The following TENM2 variants were observed in gnomAD, a reference collection of about 807,000 sequenced individuals.
TENM2 encodes the protein teneurin transmembrane protein 2, also known as teneurin-2.
A neutral mutation model predicts 245.2 loss-of-function variants in TENM2; 52 were observed. That is an observed-to-expected ratio of 0.21 (90% confidence interval 0.17 to 0.27). The LOEUF (loss-of-function observed/expected upper bound fraction) is 0.27, where lower values mean the gene tolerates loss of function less well. Among genes scored for constraint, TENM2 ranks in the 10% least tolerant of loss-of-function variants. The probability of loss-of-function intolerance (pLI) is 1.00; values close to 1 mark genes in which losing one functional copy is unlikely to be tolerated. For missense variants in TENM2, 3,046 were observed against 3,666.8 expected, an observed-to-expected ratio of 0.83 and a Z score of 4.37; for synonymous variants, 1,363 against 1,438.9, an observed-to-expected ratio of 0.95 and a Z score of 1.19.
intron 1 of TENM2, among the ~76,000 whole-genome samples, chr5:167,291,780 C>G (rs1754653013): frequency 6.6e-6 from 1 of 152,206 alleles, no homozygotes; most frequent in South Asian, 2.1e-4. Context: ...ACTGTAAACA[C>G]TAACTGGCCT....
At chr5:167,021,454 GAAC>G in the TENM2 span, among the ~76,000 whole-genome samples, 4 of 152,192 alleles carry the variant, frequency 2.6e-5, no homozygotes, top group Admixed American at 2.0e-4. Context: ...AAAATTCACA[GAAC>G]AACTCATAAA....
chr5:167,830,061 T>A (rs1254503069), intron 2 of TENM2, among the ~76,000 whole-genome samples: 1 of 152,220 alleles, frequency 6.6e-6, no homozygotes, highest in Admixed American at 6.5e-5. Flanking sequence ...TGACTTCACA[T>A]CCTTAATCCA....
chr5:167,463,021 A>C (rs1766418849), intron 2 of TENM2, among the ~76,000 whole-genome samples: 1 of 152,090 alleles, frequency 6.6e-6, no homozygotes, highest in South Asian at 2.1e-4. Flanking sequence ...TCAAGAGGAT[A>C]TTGGATGCTT....
At chr5:167,607,615 A>G (rs1777148309) in intron 2 of TENM2, among the ~76,000 whole-genome samples, 2 of 152,240 alleles carry the variant, frequency 1.3e-5, no homozygotes, top group Admixed American at 1.3e-4. Flanking sequence ...CAAACAAAAT[A>G]CATTGCCGTG....
At chr5:168,142,237 C>T (rs1356757263) in intron 12 of TENM2, among the ~76,000 whole-genome samples, 1 of 152,190 alleles carries the variant, frequency 6.6e-6, no homozygotes, top group Admixed American at 6.5e-5. Context: ...CTACTTTCGG[C>T]CCTGCTCAGG....
At chr5:167,319,662 C>T (rs1284650715) in intron 1 of TENM2, among the ~76,000 whole-genome samples, 1 of 152,164 alleles carries the variant, frequency 6.6e-6, no homozygotes, top group African/African-American at 2.4e-5. Context: ...GAAGAAGCTG[C>T]ATCAGGGTGC....
the TENM2 span, among the ~76,000 whole-genome samples, chr5:167,011,041 C>A: frequency 6.6e-6 from 1 of 152,092 alleles, no homozygotes; most frequent in Non-Finnish European, 1.5e-5. Context: ...TAATAATATA[C>A]CTTGGCTAAC....
At chr5:167,827,531 T>C (rs2151073302) in intron 2 of TENM2, among the ~76,000 whole-genome samples, 1 of 146,384 alleles carries the variant, frequency 6.8e-6, no homozygotes, top group Admixed American at 7.4e-5. Context: ...GCTTAAAATA[T>C]GTTAATAAAT....
the TENM2 span, among the ~76,000 whole-genome samples, chr5:167,266,784 G>A: frequency 3.9e-5 from 6 of 152,108 alleles, no homozygotes; most frequent in Non-Finnish European, 8.8e-5. Context: ...TGAATAAAAG[G>A]TTTCAGACAC....
At chr5:167,566,865 C>T (rs1051592704) in intron 2 of TENM2, among the ~76,000 whole-genome samples, 6 of 152,080 alleles carry the variant, frequency 3.9e-5, no homozygotes, top group Admixed American at 6.6e-5. Flanking sequence ...AAGGTGGCTC[C>T]GCTACTTTGG....
At chr5:168,258,067 A>G (rs977130865) in intron 27 of TENM2, among the ~76,000 whole-genome samples, 2 of 152,170 alleles carry the variant, frequency 1.3e-5, no homozygotes, top group Non-Finnish European at 2.9e-5. Flanking sequence ...CTCAGGACCT[A>G]TTGTGAAAGT....
chr5:167,471,721 T>C (rs1370182701), intron 2 of TENM2, among the ~76,000 whole-genome samples: 2 of 152,106 alleles, frequency 1.3e-5, no homozygotes, highest in Non-Finnish European at 2.9e-5. Context: ...GTTAGACAGG[T>C]AGGTGTGTGG....
At chr5:168,226,585 C>T (rs1474749941) in intron 24 of TENM2, among the ~76,000 whole-genome samples, 3 of 152,176 alleles carry the variant, frequency 2.0e-5, no homozygotes. Context: ...ATCACCACCT[C>T]TCCCCACCAA....
intron 19 of TENM2, among the ~76,000 whole-genome samples, chr5:168,205,938 G>A: frequency 6.6e-6 from 1 of 152,212 alleles, no homozygotes; most frequent in East Asian, 1.9e-4. Flanking sequence ...GATTGTCCAG[G>A]ATTGGGGCAA....
intron 9 of TENM2, among the ~76,000 whole-genome samples, chr5:168,102,321 C>CCTCA: frequency 6.6e-6 from 1 of 152,318 alleles, no homozygotes; most frequent in East Asian, 1.9e-4. Context: ...GATCCACCCG[C>CCTCA]CTCAGCCTCC....
chr5:167,466,971 C>T (rs1354913574), intron 2 of TENM2, among the ~76,000 whole-genome samples: 1 of 152,134 alleles, frequency 6.6e-6, no homozygotes, highest in East Asian at 1.9e-4. Flanking sequence ...ATGCAGCATA[C>T]AACGAAACAT....
chr5:167,374,985 C>T (rs540699480), intron 1 of TENM2, among the ~76,000 whole-genome samples: 4 of 152,058 alleles, frequency 2.6e-5, no homozygotes, highest in Non-Finnish European at 4.4e-5. Context: ...AGCATTTTGT[C>T]CTATCATCGA....
chr5:167,312,757 C>G (rs1756114459), intron 1 of TENM2, among the ~76,000 whole-genome samples: 1 of 151,838 alleles, frequency 6.6e-6, no homozygotes, highest in Admixed American at 6.6e-5. Flanking sequence ...TCATAACTAT[C>G]TCTTTAGTTT....
intron 3 of TENM2, among the ~76,000 whole-genome samples, chr5:167,902,383 T>C (rs1276171885): frequency 6.6e-6 from 1 of 152,248 alleles, no homozygotes; most frequent in Non-Finnish European, 1.5e-5. Flanking sequence ...AGAACTCTGC[T>C]TCTGTCATTG....
Sources: allele counts gnomAD v4.1 joint callset (sites outside exome capture counted in the v4.1 genomes callset), GRCh38; gene constraint gnomAD v4.1.1; transcripts MANE v1.5; gene names NCBI Gene and HGNC (gene_info 2026-07-23, HGNC 2026-07-21).